Variants in SEMA3D observed in about 807,000 individuals in gnomAD.
The protein encoded by SEMA3D is semaphorin 3D, also known as semaphorin-3D.
In SEMA3D, 84 loss-of-function variants were observed where a neutral mutation model predicts 100.1. That is an observed-to-expected ratio of 0.84 (90% CI 0.70 to 1.01). The LOEUF is 1.01. SEMA3D is among the 50% of genes least tolerant of loss of function. The probability of loss-of-function intolerance (pLI) is 0.00; values close to 1 mark genes in which losing one functional copy is unlikely to be tolerated. For synonymous variants in SEMA3D, 312 were observed against 320.7 expected, an observed-to-expected ratio of 0.97 and a Z score of 0.29; for missense variants, 875 against 934.1, an observed-to-expected ratio of 0.94 and a Z score of 0.82.
chr7:85,232,949 T>C, the SEMA3D span, among the ~76,000 whole-genome samples: 1 of 152,098 alleles, frequency 6.6e-6, no homozygotes, highest in Non-Finnish European at 1.5e-5. Flanking sequence ...GGGAGAGACA[T>C]AGAAAATCAT....
At chr7:85,065,371 C>G in intron 8 of SEMA3D, 53 bp downstream of exon 8, 1 of 1,522,862 alleles carries the variant, frequency 6.6e-7, no homozygotes, top group Non-Finnish European at 9.0e-7. Flanking sequence ...CACTTCTTAT[C>G]TATCTTAAAC....
At chr7:85,026,279 G>A (rs879529622) in intron 12 of SEMA3D, among the ~76,000 whole-genome samples, 1 of 151,972 alleles carries the variant, frequency 6.6e-6, no homozygotes, top group Non-Finnish European at 1.5e-5. Context: ...AGATGATAAA[G>A]TAATTGTTAT....
chr7:85,101,369 G>A (rs1788737526), intron 3 of SEMA3D, among the ~76,000 whole-genome samples: 3 of 151,956 alleles, frequency 2.0e-5, no homozygotes, highest in Admixed American at 6.6e-5. Context: ...TTTGAACCAT[G>A]CATTGCATTG....
chr7:85,034,571 C>T (rs1790638456), intron 12 of SEMA3D, among the ~76,000 whole-genome samples: 1 of 152,078 alleles, frequency 6.6e-6, no homozygotes, highest in Non-Finnish European at 1.5e-5. Flanking sequence ...TGCACCACTG[C>T]ACTTTGGCCT....
At chr7:85,199,462 T>C in the SEMA3D span, among the ~76,000 whole-genome samples, 1 of 152,198 alleles carries the variant, frequency 6.6e-6, no homozygotes, top group Non-Finnish European at 1.5e-5. Flanking sequence ...TAGCTATTCA[T>C]AATATTGTGT....
intron 18 of SEMA3D, among the ~76,000 whole-genome samples, chr7:85,005,847 T>C (rs1174744819): frequency 5.3e-5 from 8 of 152,052 alleles, no homozygotes; most frequent in Admixed American, 5.3e-4. Context: ...ACAAAATTAC[T>C]GGAGGTTGAG....
At chr7:85,112,158 C>T (rs182147734) in intron 3 of SEMA3D, among the ~76,000 whole-genome samples, 1 of 152,052 alleles carries the variant, frequency 6.6e-6, no homozygotes, top group Non-Finnish European at 1.5e-5. Flanking sequence ...ACAAATCAAA[C>T]AAATCAAACA....
the SEMA3D span, among the ~76,000 whole-genome samples, chr7:85,197,887 G>A: frequency 4.6e-5 from 7 of 152,110 alleles, no homozygotes; most frequent in African/African-American, 1.7e-4. Context: ...CAGTAGAATG[G>A]ATGAATATAT....
the SEMA3D span, among the ~76,000 whole-genome samples, chr7:85,210,450 T>A: frequency 6.6e-6 from 1 of 152,060 alleles, no homozygotes; most frequent in Non-Finnish European, 1.5e-5. Flanking sequence ...CATATGTGCA[T>A]AAACATTTTA....
chr7:85,172,535 A>G lies in SEMA3D; in HGVS notation c.-173+14143T>C, dbSNP rs117166739. ...CCAAGCAGATAAAGCAGCATGGAAC[A>G]AAGATGTACTTTGCACATTAGATTC... is the stretch of plus-strand genomic sequence containing the variant. On this transcript the variant is annotated intron_variant, in intron 1 of 18. Coordinates refer to ENST00000284136, the MANE Select transcript of SEMA3D (RefSeq NM_001384900.1). Among the ~76,000 whole-genome samples, 919 of 152,126 alleles carry G rather than the reference A, an allele frequency of 6.0e-3. 6 individuals are homozygous for G. Among genetic ancestry groups the G allele is most frequent in the Non-Finnish European group, 9.2e-3 (628 of 67,968 alleles).
intron 8 of SEMA3D, among the ~76,000 whole-genome samples, chr7:85,057,717 G>C (rs1006665282): frequency 3.3e-5 from 5 of 152,120 alleles, no homozygotes; most frequent in African/African-American, 1.2e-4. Flanking sequence ...TGGATCACTT[G>C]AGGTCAGTAG....
chr7:85,054,525 G>T (rs982163286), intron 9 of SEMA3D, among the ~76,000 whole-genome samples: 1 of 152,098 alleles, frequency 6.6e-6, no homozygotes, highest in Non-Finnish European at 1.5e-5. Context: ...TCCCCTGGGG[G>T]TGAGGGGATC....
chr7:85,096,028 A>G (rs1275851239), intron 4 of SEMA3D, among the ~76,000 whole-genome samples: 1 of 152,016 alleles, frequency 6.6e-6, no homozygotes, highest in East Asian at 1.9e-4. Flanking sequence ...GAACAAGAAC[A>G]AATTCCCTTA....
intron 2 of SEMA3D, among the ~76,000 whole-genome samples, chr7:85,127,056 A>G (rs2116420976): frequency 6.6e-6 from 1 of 152,270 alleles, no homozygotes; most frequent in South Asian, 2.1e-4. Flanking sequence ...TGAATTCTCC[A>G]TCAAATGATA....
At chr7:85,105,973 G>T (rs1205979744) in intron 3 of SEMA3D, among the ~76,000 whole-genome samples, 2 of 151,988 alleles carry the variant, frequency 1.3e-5, no homozygotes, top group African/African-American at 4.8e-5. Flanking sequence ...TTCAATAGTG[G>T]ATGCTTTATA....
intron 11 of SEMA3D, among the ~76,000 whole-genome samples, chr7:85,040,178 C>G (rs1343610859): frequency 3.3e-5 from 5 of 151,770 alleles, no homozygotes; most frequent in African/African-American, 2.4e-5. Context: ...CTGGGTCTCA[C>G]TATGTTGTCC....
chr7:85,066,948 C>A (rs972718348), intron 7 of SEMA3D, among the ~76,000 whole-genome samples: 25 of 99,070 alleles, frequency 2.5e-4, no homozygotes, highest in African/African-American at 1.0e-3. Context: ...AGAGAGAGAA[C>A]TCCAGCTATG....
intron 1 of SEMA3D, among the ~76,000 whole-genome samples, chr7:85,176,786 A>ATG (rs1167340187): frequency 2.1e-5 from 3 of 144,570 alleles, no homozygotes; most frequent in African/African-American, 7.8e-5. Context: ...GTATACATAT[A>ATG]TATATATAGA....
At chr7:85,042,123 A>T in intron 10 of SEMA3D, 48 bp downstream of exon 10, 1 of 1,245,566 alleles carries the variant, frequency 8.0e-7, no homozygotes, top group Non-Finnish European at 1.2e-6. Context: ...CAAGTTACTT[A>T]ATTAGGCAGT....
Sources: gnomAD v4.1 joint callset for allele counts (sites outside exome capture counted in the v4.1 genomes callset) on GRCh38, gnomAD v4.1.1 for gene constraint, MANE v1.5 for transcripts, NCBI Gene and HGNC (gene_info 2026-07-23, HGNC 2026-07-21) for gene names.